Variants in CCL14 observed in about 807,000 individuals in gnomAD.
CCL14 encodes C-C motif chemokine 14.
CCL14 carries 8 observed loss-of-function variants against 8.2 expected under a neutral mutation model. The ratio of observed to expected loss-of-function variants is 0.98; its 90% confidence interval spans 0.57 to 1.76. The LOEUF (loss-of-function observed/expected upper bound fraction) is 1.76, where lower values mean the gene tolerates loss of function less well. Ranked by LOEUF, CCL14 falls within the 40% of genes most tolerant of loss-of-function variation. The pLI, the probability that CCL14 is intolerant of heterozygous loss-of-function variation, is 0.00. For synonymous variants in CCL14, 50 were observed against 43.2 expected (o/e 1.16, Z -0.62); for missense variants, 127 against 118.3 (o/e 1.07, Z -0.34).
At chr17:35,984,851 A>C (rs924269046) in intron 1 of CCL14, 4 of 383,468 alleles carry the variant, frequency 1.0e-5, no homozygotes, top group Non-Finnish European at 1.8e-5. Context: ...AATAGGAGGA[A>C]TATTTGGAAG....
chr17:35,985,620 C>T (rs1364133227), intron 1 of CCL14: 4 of 749,620 alleles, frequency 5.3e-6, no homozygotes, highest in Non-Finnish European at 9.1e-6. Context: ...GCAGCATCCT[C>T]ACGATCCAAA....
At chr17:35,985,508 T>C (rs2089750944) in intron 1 of CCL14, 3 of 558,402 alleles carry the variant, frequency 5.4e-6, no homozygotes, top group Non-Finnish European at 9.5e-6. Context: ...TGACCCTGCT[T>C]CATAGAATCA....
At chr17:35,984,634 T>C in intron 1 of CCL14, 182 bp from the exon 2 acceptor site, 1 of 598,520 alleles carries the variant, frequency 1.7e-6, no homozygotes, top group Non-Finnish European at 3.0e-6. Context: ...CCTGGGCTCT[T>C]CTTTTTCTCC....
intron 2 of CCL14, 32 bp from the exon 3 acceptor site, chr17:35,983,920 C>T (rs376902531): frequency 1.7e-4 from 257 of 1,534,998 alleles, no homozygotes; most frequent in Non-Finnish European, 2.0e-4. Context: ...GATCACAAAC[C>T]GAGGGGCCCA....
intron 1 of CCL14, 192 bp from the exon 2 acceptor site, chr17:35,984,644 C>T: frequency 1.7e-6 from 1 of 597,442 alleles, no homozygotes; most frequent in Non-Finnish European, 3.0e-6. Flanking sequence ...TCTTTTTCTC[C>T]TCCCTCATCA....
At chr17:35,984,480 A>AG in intron 1 of CCL14, 28 bp from the exon 2 acceptor site, 1 of 1,517,130 alleles carries the variant, frequency 6.6e-7, no homozygotes, top group African/African-American at 1.4e-5. Flanking sequence ...GATGCTGAGG[A>AG]GGGGCCCCTT....
At position 35,984,347 on chromosome 17, in the gene CCL14, G is replaced by A; in HGVS notation, c.185C>T (p.Pro62Leu). The A allele has an allele frequency of 1.2e-6, 2 of 1,611,568 alleles. No individual in the cohort carries two copies. The highest frequency in any genetic ancestry group is 1.1e-5 in the South Asian group (1 of 91,012). Residue 62 changes from proline (P) to leucine (L), a missense_variant, in exon 2 of 3, where the codon CCC becomes CTC. Pro to Leu is a moderately conservative substitution (Grantham distance 98). Coordinates refer to ENST00000618404, the MANE Select transcript of CCL14 (RefSeq NM_032963.4). ...TGTGTGTACCACCTACACAATTCCGGGCTTGGAGCACTGGCTGTTGGTCTC... is the reference window on the plus strand; with the variant it reads ...TGTGTGTACCACCTACACAATTCCGAGCTTGGAGCACTGGCTGTTGGTCTC... ...YYETNSQCSK[P>L]GIVFITKRGH... is the part of the protein sequence containing the mutation.
chr17:35,986,537 C>G, intron 1 of CCL14, 34 bp downstream of exon 1: 1 of 1,557,422 alleles, frequency 6.4e-7, no homozygotes. Flanking sequence ...CCTGCAGGCT[C>G]TAGGTTGGAA....
rs1489152239 is a variant in CCL14, at chr17:35,984,414, T to C, written c.118A>G (p.Thr40Ala). Residue 40 changes from threonine to alanine, a missense_variant, in exon 2 of 3, where the codon ACT becomes GCT. Coordinates refer to ENST00000618404, the MANE Select transcript of CCL14 (RefSeq NM_032963.4). ...CGCTGACGCGGGATCTTGTAGGTAG[T>C]GTAGGTGAAGCAGCACTCTGAGGGG... ...YHPSECCFTY[T>A]TYKIPRQRIM... is the part of the protein sequence containing the mutation. The C allele has an allele frequency of 6.2e-7, 1 of 1,613,734 alleles. No individual in the cohort carries two copies. The highest frequency in any genetic ancestry group is 1.1e-5 in the South Asian group (1 of 91,060).
At position 35,984,407 on chromosome 17, in the gene CCL14, T is replaced by C. The variant is rs2089724566; in HGVS notation, c.125A>G (p.Tyr42Cys). 6.2e-7 allele frequency: 1 copy of C among 1,613,686 alleles called. No homozygotes were observed. The highest frequency in any genetic ancestry group is 1.3e-5 in the African/African-American group (1 of 74,896). Residue 42 changes from tyrosine to cysteine, a missense_variant, in exon 2 of 3, where the codon TAC becomes TGC. By Grantham distance (194) the Tyr-to-Cys change is radical. Transcript: ENST00000618404. ...PSECCFTYTT[Y>C]KIPRQRIMDY... Reference sequence around the variant, plus strand: ...CATAATCCGCTGACGCGGGATCTTGTAGGTAGTGTAGGTGAAGCAGCACTC... The same window carrying C: ...CATAATCCGCTGACGCGGGATCTTGCAGGTAGTGTAGGTGAAGCAGCACTC...
At position 35,983,724 on chromosome 17, in the gene CCL14, C is replaced by A; in HGVS notation, c.*77G>T. 1.0e-6 allele frequency: 1 copy of A among 969,870 alleles called. No individual in the cohort carries two copies. The highest frequency in any genetic ancestry group is 1.7e-6 in the Non-Finnish European group (1 of 594,408). 60.1% of individuals were successfully genotyped at this position (969,870 alleles called of 1,614,324 possible). On this transcript the variant is annotated 3_prime_UTR_variant, in exon 3 of 3. Transcript: ENST00000618404. ...GAGGGTGACTGGGGCTGAGAGTTAGCGGTGGGTGGAGGAGGGGGCCTTGGC... is the reference window on the plus strand; with the variant it reads ...GAGGGTGACTGGGGCTGAGAGTTAGAGGTGGGTGGAGGAGGGGGCCTTGGC...
At position 35,986,577 on chromosome 17, in the gene CCL14, A is replaced by G. The variant is rs747048760; in HGVS notation, c.73T>C (p.Ser25Pro). 12 of 1,612,950 alleles carry G rather than the reference A, an allele frequency of 7.4e-6. No individual in the cohort carries two copies. The highest frequency in any genetic ancestry group is 6.6e-5 in the South Asian group (6 of 91,046). Residue 25 changes from serine (S) to proline (P), a missense_variant, in exon 1 of 3, where the codon TCC becomes CCC. Physicochemically the swap from Ser to Pro is moderately conservative, Grantham distance 74. Coordinates refer to ENST00000618404, the MANE Select transcript of CCL14 (RefSeq NM_032963.4). Reference protein sequence around the residue: ...TIALGTKTESSSRGPYHPSEC... With the variant: ...TIALGTKTESPSRGPYHPSEC... ...GACAAGGCATTGCACTCACGTGAGG[A>G]GGATTCAGTCTTGGTCCCTAGGGCG... is the stretch of plus-strand genomic sequence containing the variant.
At chr17:35,986,400 G>T in intron 1 of CCL14, 171 bp downstream of exon 1, 1 of 618,218 alleles carries the variant, frequency 1.6e-6, no homozygotes, top group South Asian at 2.0e-5. Flanking sequence ...GAAGTGCTGT[G>T]GTGCTCAGTA....
chr17:35,984,832 G>A (rs2089737145), intron 1 of CCL14: 2 of 409,562 alleles, frequency 4.9e-6, no homozygotes, highest in South Asian at 1.0e-4. Context: ...ATTCGGGAAA[G>A]GTGCTCCAAA....
intron 2 of CCL14, among the ~76,000 whole-genome samples, 196 bp from the exon 3 acceptor site, chr17:35,984,084 G>A (rs2089717223): frequency 6.6e-6 from 1 of 152,124 alleles, no homozygotes; most frequent in African/African-American, 2.4e-5. Context: ...TCTAGTCTCT[G>A]TGTCCCCCTG....
intron 1 of CCL14, chr17:35,985,442 C>T (rs2089749684): frequency 2.6e-6 from 1 of 382,560 alleles, no homozygotes; most frequent in African/African-American, 2.1e-5. Context: ...GAGCCCTGTA[C>T]AAACAGGCAC....
At chr17:35,985,107 T>C (rs757235015) in intron 1 of CCL14, 27 of 154,398 alleles carry the variant, frequency 1.7e-4, no homozygotes, top group Middle Eastern at 3.2e-3. Flanking sequence ...AATGAGGCCC[T>C]TGGACTGCAT....
intron 1 of CCL14, chr17:35,985,963 G>A (rs985118551): frequency 3.3e-6 from 2 of 604,092 alleles, no homozygotes; most frequent in South Asian, 2.2e-5. Context: ...CTGGGCACAG[G>A]TGACGCTGGA....
chr17:35,986,551 A>C lies in CCL14; in HGVS notation c.79+20T>G, dbSNP rs1287246245. ...CCCTGCAGGCTCTAGGTTGGAAGGA[A>C]GACAAGGCATTGCACTCACGTGAGG... On this transcript the variant is annotated intron_variant, in intron 1 of 2. Coordinates refer to ENST00000618404, the MANE Select transcript of CCL14 (RefSeq NM_032963.4). 6.3e-7 allele frequency: 1 copy of C among 1,599,162 alleles called. No individual in the cohort carries two copies. The highest frequency in any genetic ancestry group is 1.1e-5 in the South Asian group (1 of 90,752).
Sources: allele counts gnomAD v4.1 joint callset (sites outside exome capture counted in the v4.1 genomes callset), GRCh38; gene constraint gnomAD v4.1.1; transcripts MANE v1.5; gene names NCBI Gene and HGNC (gene_info 2026-07-23, HGNC 2026-07-21).